Variants in PUDP observed in about 807,000 individuals in gnomAD.
PUDP encodes pseudouridine-5'-phosphatase.
PUDP carries 8 observed loss-of-function variants against 9.4 expected under a neutral mutation model. The ratio of observed to expected loss-of-function variants is 0.85; its 90% CI spans 0.50 to 1.53. The LOEUF (loss-of-function observed/expected upper bound fraction) is 1.53, where lower values mean the gene tolerates loss of function less well. Ranked by LOEUF, PUDP falls within the 40% of genes most tolerant of loss-of-function variation. The pLI is 0.00. For synonymous variants in PUDP, 99 were observed against 80.7 expected (o/e 1.23, Z -1.22); for missense variants, 188 against 189.7 (o/e 0.99, Z 0.05).
intron 3 of PUDP, among the ~76,000 whole-genome samples, chrX:6,928,182 C>A (rs1928135931): frequency 1.8e-5 from 2 of 110,856 alleles, no homozygotes; most frequent in African/African-American, 6.6e-5. Context: ...ATCCACCACC[C>A]CGGCCTCCCA....
intron 3 of PUDP, among the ~76,000 whole-genome samples, chrX:6,885,743 T>C (rs1421487709): frequency 8.9e-6 from 1 of 111,760 alleles, no homozygotes; most frequent in Non-Finnish European, 1.9e-5. Context: ...ACAGAAAGAG[T>C]TGGCCAACTC....
rs142381256 is a variant in PUDP at position 7,076,155 on chromosome X, A to G, written c.510+1065T>C. On this transcript the variant is annotated intron_variant, in intron 3 of 3. Transcript: ENST00000381077. ...AAAAACAAAACAAAACAAAACAACA[A>G]CAACAAAAAACAGGTCTTTCAAGAC... 6.8e-3 allele frequency among the ~76,000 whole-genome samples: 759 copies of G among 111,737 alleles called. 9 individuals are homozygous for G. Among genetic ancestry groups the G allele is most frequent in the African/African-American group, 0.023 (716 of 30,786 alleles).
rs373424135 is a variant in PUDP, at chrX:6,745,497, A to T, written c.*248-39031T>A. On this transcript the variant is annotated intron_variant and NMD_transcript_variant, in intron 3 of 3. Transcript: ENST00000655425. ...AAACAACAAAGATCACACCACAGAA[A>T]CTCATTATTATGCATTGTTCAAGAC... Among the ~76,000 whole-genome samples the T allele has an allele frequency of 9.8e-5, 11 of 111,987 alleles. No homozygotes were observed. In the East Asian group the frequency reaches 2.3e-3, roughly 23 times the overall value.
intron 3 of PUDP, among the ~76,000 whole-genome samples, chrX:6,886,020 G>A (rs1223759714): frequency 8.9e-6 from 1 of 111,907 alleles, no homozygotes; most frequent in Non-Finnish European, 1.9e-5. Flanking sequence ...GCCTTCTTGT[G>A]AAGTGGAGAA....
chrX:6,718,995 C>T (rs751637202), intron 1 of PUDP, among the ~76,000 whole-genome samples: 3 of 111,068 alleles, frequency 2.7e-5, no homozygotes, highest in Non-Finnish European at 3.8e-5. Flanking sequence ...AGATCTTCCC[C>T]GAGAGAGGCC....
chrX:6,774,997 T>A (rs984382700), intron 3 of PUDP, among the ~76,000 whole-genome samples: 32 of 112,274 alleles, frequency 2.9e-4, no homozygotes, highest in African/African-American at 1.0e-3. Flanking sequence ...TTAACTGTTT[T>A]AGAGTGTACA....
chrX:6,709,251 C>G (rs937709601), intron 1 of PUDP, among the ~76,000 whole-genome samples: 1 of 111,740 alleles, frequency 8.9e-6, no homozygotes, highest in Non-Finnish European at 1.9e-5. Flanking sequence ...TGGTCTCTCA[C>G]TTGCTGTTTA....
At chrX:7,076,651 C>T (rs1390112856) in intron 3 of PUDP, among the ~76,000 whole-genome samples, 1 of 111,906 alleles carries the variant, frequency 8.9e-6, no homozygotes, top group South Asian at 3.7e-4. Flanking sequence ...GTCAAGCAGC[C>T]GTGGTGCGGG....
At chrX:6,998,750 G>C (rs1322514925) in intron 1 of PUDP, among the ~76,000 whole-genome samples, 1 of 112,051 alleles carries the variant, frequency 8.9e-6, no homozygotes, top group Admixed American at 9.4e-5. Context: ...TAACTTTGGG[G>C]TTGGAAAAAT....
chrX:7,064,355 C>T (rs1013238605), intron 3 of PUDP, among the ~76,000 whole-genome samples: 8 of 111,651 alleles, frequency 7.2e-5, no homozygotes, highest in African/African-American at 2.6e-4. Flanking sequence ...TTCTACATTC[C>T]GAGGTCGTGA....
intron 1 of PUDP, among the ~76,000 whole-genome samples, chrX:6,994,488 C>G (rs1197005358): frequency 8.9e-6 from 1 of 112,214 alleles, no homozygotes; most frequent in African/African-American, 3.2e-5. Context: ...GAAAGACTGT[C>G]AAGCCAAATA....
At chrX:7,052,623 A>T (rs1427918729) in intron 3 of PUDP, among the ~76,000 whole-genome samples, 1 of 111,549 alleles carries the variant, frequency 9.0e-6, no homozygotes, top group Non-Finnish European at 1.9e-5. Context: ...CTAAAATATC[A>T]TATTAGCCAA....
intron 2 of PUDP, among the ~76,000 whole-genome samples, chrX:7,092,393 G>A (rs2146883729): frequency 8.9e-6 from 1 of 112,386 alleles, no homozygotes; most frequent in Non-Finnish European, 1.9e-5. Flanking sequence ...TAATTTTAAA[G>A]TTCTTAACCT....
At chrX:6,720,258 G>GTGTGTGTATA (rs1555907522) in intron 1 of PUDP, among the ~76,000 whole-genome samples, 31 of 48,795 alleles carry the variant, frequency 6.4e-4, no homozygotes, top group African/African-American at 3.0e-3. Flanking sequence ...GTGTGTGTGT[G>GTGTGTGTATA]TATATATATA....
chrX:7,116,474 C>T (rs1311175809), intron 1 of PUDP, among the ~76,000 whole-genome samples: 1 of 111,376 alleles, frequency 9.0e-6, no homozygotes, highest in African/African-American at 3.3e-5. Flanking sequence ...TTAGCAAACC[C>T]CTAGCATGTT....
chrX:6,961,115 G>C (rs1002910957), intron 3 of PUDP, among the ~76,000 whole-genome samples: 10 of 111,839 alleles, frequency 8.9e-5, no homozygotes, highest in African/African-American at 3.2e-4. Context: ...CTCACCAAAA[G>C]TAGGCCAGGT....
At chrX:6,808,008 G>C (rs1926080562) in intron 3 of PUDP, among the ~76,000 whole-genome samples, 1 of 111,722 alleles carries the variant, frequency 9.0e-6, no homozygotes, top group African/African-American at 3.3e-5. Context: ...AAGGAAGTCT[G>C]AAAAAATATC....
At chrX:7,043,173 G>C (rs1350908179) in intron 1 of PUDP, among the ~76,000 whole-genome samples, 1 of 111,877 alleles carries the variant, frequency 8.9e-6, no homozygotes, top group Non-Finnish European at 1.9e-5. Context: ...CACAGCACGT[G>C]AGTTTACAGG....
At chrX:7,071,214 G>A (rs1316114562) in intron 3 of PUDP, among the ~76,000 whole-genome samples, 1 of 111,543 alleles carries the variant, frequency 9.0e-6, no homozygotes, top group East Asian at 2.8e-4. Context: ...CCCAGCGACA[G>A]TTTTCTTAAT....
Sources: allele counts gnomAD v4.1 joint callset (sites outside exome capture counted in the v4.1 genomes callset), GRCh38; gene constraint gnomAD v4.1.1; transcripts MANE v1.5; gene names NCBI Gene and HGNC (gene_info 2026-07-23, HGNC 2026-07-21).